UGT1A10: variants seen among roughly 807,000 people sequenced by gnomAD.
The protein encoded by UGT1A10 is UDP glucuronosyltransferase family 1 member A10.
UGT1A10 carries 49 observed loss-of-function variants against 45.8 expected under a neutral mutation model. The observed-to-expected ratio is 1.07, with a 90% CI of 0.85 to 1.36. The LOEUF (loss-of-function observed/expected upper bound fraction) is 1.36. Among genes scored for constraint, UGT1A10 ranks in the 40% most tolerant of loss-of-function variants. The pLI, the probability that UGT1A10 is intolerant of heterozygous loss-of-function variation, is 0.00. For synonymous variants in UGT1A10, 284 were observed against 249.7 expected, an observed-to-expected ratio of 1.14 and a Z score of -1.29; for missense variants, 745 against 668.6, an observed-to-expected ratio of 1.11 and a Z score of -1.26.
chr2:233,710,169 TTTA>T (rs1460838306), intron 1 of UGT1A10, among the ~76,000 whole-genome samples: 1 of 152,248 alleles, frequency 6.6e-6, no homozygotes, highest in Non-Finnish European at 1.5e-5. Context: ...TATGCATTTA[TTTA>T]TTGATGGACA....
intron 1 of UGT1A10, among the ~76,000 whole-genome samples, chr2:233,752,117 A>T (rs910162092): frequency 3.9e-5 from 6 of 152,242 alleles, no homozygotes. Context: ...GAGGAGAAGA[A>T]GATGATGGAC....
intron 1 of UGT1A10, among the ~76,000 whole-genome samples, chr2:233,709,075 C>T (rs1045391498): frequency 6.6e-6 from 1 of 152,098 alleles, no homozygotes; most frequent in Non-Finnish European, 1.5e-5. Flanking sequence ...GTTCTTCTGC[C>T]TCATTGGCTC....
rs192216192 is a variant in UGT1A10, at chr2:233,677,835, A to T, written c.855+40458A>T. 7.8e-5 allele frequency among the ~76,000 whole-genome samples: 11 copies of T among 140,382 alleles called. No individual in the cohort carries two copies. The East Asian group carries it at 1.9e-3, about 25-fold the overall frequency. 92.1% of individuals were successfully genotyped at this position (140,382 alleles called of 152,430 possible). ...AGCAATCCCATTACTAGATATATGT[A>T]AAAAAAATCGTTTTACCAAGAAACA... On this transcript the variant is annotated intron_variant, in intron 1 of 4. Coordinates refer to ENST00000344644, the MANE Select transcript of UGT1A10 (RefSeq NM_019075.4).
chr2:233,738,647 T>G (rs1690861209), intron 1 of UGT1A10, among the ~76,000 whole-genome samples: 1 of 152,210 alleles, frequency 6.6e-6, no homozygotes, highest in Non-Finnish European at 1.5e-5. Context: ...TAGAGCTCTT[T>G]GGAACTACGA....
chr2:233,724,334 G>C (rs2077226090), intron 1 of UGT1A10, among the ~76,000 whole-genome samples: 2 of 148,198 alleles, frequency 1.3e-5, no homozygotes, highest in African/African-American at 5.0e-5. Context: ...GCCAGGCGGG[G>C]GGCTGACCCC....
At chr2:233,683,891 C>T (rs1216790606) in intron 1 of UGT1A10, among the ~76,000 whole-genome samples, 12 of 152,068 alleles carry the variant, frequency 7.9e-5, no homozygotes, top group Non-Finnish European at 1.8e-4. Context: ...GGTATTTATA[C>T]CTCTTATTTT....
At chr2:233,654,597 A>G (rs996834632) in intron 1 of UGT1A10, among the ~76,000 whole-genome samples, 1 of 152,206 alleles carries the variant, frequency 6.6e-6, no homozygotes, top group Non-Finnish European at 1.5e-5. Flanking sequence ...AGTGAAATGA[A>G]ATAAACCACA....
intron 1 of UGT1A10, among the ~76,000 whole-genome samples, chr2:233,734,247 T>A (rs1242167028): frequency 6.6e-6 from 1 of 152,226 alleles, no homozygotes; most frequent in Non-Finnish European, 1.5e-5. Flanking sequence ...CCTGCTTTAG[T>A]CTTGGGAGGG....
chr2:233,660,182 A>G (rs766481661), intron 1 of UGT1A10, among the ~76,000 whole-genome samples: 9 of 152,186 alleles, frequency 5.9e-5, no homozygotes, highest in Non-Finnish European at 1.2e-4. Flanking sequence ...AGCTTTTTCT[A>G]TACAACAAGG....
At chr2:233,667,023 C>T (rs533441677) in intron 1 of UGT1A10, among the ~76,000 whole-genome samples, 23 of 152,206 alleles carry the variant, frequency 1.5e-4, no homozygotes, top group African/African-American at 4.8e-4. Context: ...TGTGTATGTG[C>T]CACATTTTCT....
intron 1 of UGT1A10, chr2:233,682,824 T>C: frequency 6.4e-7 from 1 of 1,565,700 alleles, no homozygotes; most frequent in Non-Finnish European, 8.6e-7. Flanking sequence ...ACATTAAGAA[T>C]AATCTGGCTT....
chr2:233,767,779 A>G, intron 2 of UGT1A10, 70 bp from the exon 3 acceptor site: 1 of 1,612,962 alleles, frequency 6.2e-7, no homozygotes. Flanking sequence ...TTTTCTAGTT[A>G]GTATAGCAGA....
intron 1 of UGT1A10, among the ~76,000 whole-genome samples, chr2:233,638,972 A>G (rs1248581873): frequency 6.6e-6 from 1 of 152,220 alleles, no homozygotes; most frequent in Non-Finnish European, 1.5e-5. Context: ...CATTAATTAC[A>G]GTACCAAGCA....
At chr2:233,673,243 C>T (rs373248722) in intron 1 of UGT1A10, among the ~76,000 whole-genome samples, 25 of 152,174 alleles carry the variant, frequency 1.6e-4, no homozygotes, top group African/African-American at 6.0e-4. Flanking sequence ...TGGACATATT[C>T]TTCTTTTCTT....
chr2:233,713,207 G>T (rs757096232), intron 1 of UGT1A10: 2 of 1,614,230 alleles, frequency 1.2e-6, no homozygotes, highest in Admixed American at 1.7e-5. Context: ...TCAAAGAAGA[G>T]AACTTTTTCA....
chr2:233,647,334 A>G (rs537305829), intron 1 of UGT1A10, among the ~76,000 whole-genome samples: 38 of 152,272 alleles, frequency 2.5e-4, no homozygotes, highest in Admixed American at 5.2e-4. Flanking sequence ...GGTCATGAGG[A>G]TCTGTAGTTT....
intron 1 of UGT1A10, chr2:233,718,821 A>G: frequency 1.2e-6 from 2 of 1,613,492 alleles, no homozygotes; most frequent in Non-Finnish European, 1.7e-6. Flanking sequence ...TTCTGCTGAG[A>G]TGGCCAGAGG....
chr2:233,708,960 C>A (rs911786556), intron 1 of UGT1A10, among the ~76,000 whole-genome samples: 3 of 152,094 alleles, frequency 2.0e-5, no homozygotes, highest in African/African-American at 7.2e-5. Flanking sequence ...TATATGTTTC[C>A]ATTTCTTGTC....
At chr2:233,728,328 T>C (rs2077699714) in intron 1 of UGT1A10, among the ~76,000 whole-genome samples, 1 of 152,118 alleles carries the variant, frequency 6.6e-6, no homozygotes, top group Admixed American at 6.5e-5. Flanking sequence ...AGGCTCCAGC[T>C]CCCCCAGTCC....
Sources: allele counts gnomAD v4.1 joint callset (sites outside exome capture counted in the v4.1 genomes callset), GRCh38; gene constraint gnomAD v4.1.1; transcripts MANE v1.5; gene names NCBI Gene and HGNC (gene_info 2026-07-23, HGNC 2026-07-21).